Variants in GALNT11 observed in about 807,000 individuals in gnomAD.
GALNT11 encodes the protein UDP-GalNAc:polypeptide N-acetylgalactosaminyltransferase 11.
GALNT11 carries 47 observed loss-of-function variants against 72.7 expected under a neutral mutation model. The ratio of observed to expected loss-of-function variants is 0.65; its 90% CI spans 0.51 to 0.82. The LOEUF is 0.82. GALNT11 is among the 40% of genes least tolerant of loss of function. The pLI, the probability that GALNT11 is intolerant of heterozygous loss-of-function variation, is 0.00. For synonymous variants in GALNT11, 270 were observed against 286.6 expected (o/e 0.94, Z 0.58); for missense variants, 677 against 778.4 (o/e 0.87, Z 1.55).
intron 6 of GALNT11, 105 bp from the exon 7 acceptor site, chr7:152,110,423 A>G (rs778348258): frequency 7.3e-6 from 6 of 825,810 alleles, no homozygotes; most frequent in Admixed American, 2.3e-5. Context: ...CATTAATTCA[A>G]TTTTTATTAG....
intron 1 of GALNT11, among the ~76,000 whole-genome samples, chr7:152,028,497 A>G (rs1416116032): frequency 6.6e-6 from 1 of 152,102 alleles, no homozygotes; most frequent in Non-Finnish European, 1.5e-5. Context: ...ACAATCCTTT[A>G]GCTAGACTGA....
intron 11 of GALNT11, 44 bp downstream of exon 11, chr7:152,121,012 CA>C: frequency 6.3e-7 from 1 of 1,594,332 alleles, no homozygotes. Context: ...CAGAGGCCCA[CA>C]AGGTTGAGTG....
chr7:152,036,960 G>T (rs994813189), intron 1 of GALNT11, among the ~76,000 whole-genome samples: 1 of 152,094 alleles, frequency 6.6e-6, no homozygotes, highest in Non-Finnish European at 1.5e-5. Flanking sequence ...AGCATTGTTT[G>T]AGTTTCTTAT....
At chr7:152,084,803 G>A (rs2085541770) in intron 1 of GALNT11, among the ~76,000 whole-genome samples, 1 of 152,154 alleles carries the variant, frequency 6.6e-6, no homozygotes, top group African/African-American at 2.4e-5. Context: ...AATATATGGG[G>A]CTGAAAAGAT....
At chr7:152,102,683 TAGAA>T (rs1346059763) in intron 3 of GALNT11, among the ~76,000 whole-genome samples, 3 of 152,052 alleles carry the variant, frequency 2.0e-5, no homozygotes, top group African/African-American at 7.2e-5. Context: ...ACCATAATGT[TAGAA>T]AGAGGCTGAA....
chr7:152,057,639 C>CG (rs60012347), intron 1 of GALNT11, among the ~76,000 whole-genome samples: 1,757 of 152,220 alleles, frequency 0.012, 36 homozygotes, highest in African/African-American at 0.041. Flanking sequence ...GCAAAATAAT[C>CG]TATGTCCTGA....
intron 1 of GALNT11, among the ~76,000 whole-genome samples, chr7:152,067,826 G>T (rs2084395144): frequency 6.6e-6 from 1 of 152,108 alleles, no homozygotes; most frequent in Non-Finnish European, 1.5e-5. Flanking sequence ...TCAGGGTTCT[G>T]CAGGCTTTAC....
intron 3 of GALNT11, among the ~76,000 whole-genome samples, chr7:152,102,707 C>T (rs955652266): frequency 9.2e-5 from 14 of 152,068 alleles, no homozygotes; most frequent in Non-Finnish European, 1.5e-4. Flanking sequence ...ACAGGCTGGA[C>T]GTGGTGGTTC....
At chr7:152,028,312 C>T (rs752199695) in intron 1 of GALNT11, among the ~76,000 whole-genome samples, 6 of 152,142 alleles carry the variant, frequency 3.9e-5, no homozygotes, top group Non-Finnish European at 7.3e-5. Context: ...GCTGATTGGT[C>T]TGTTTTACAG....
chr7:152,041,034 C>T (rs529662929), intron 1 of GALNT11, among the ~76,000 whole-genome samples: 5 of 152,208 alleles, frequency 3.3e-5, no homozygotes, highest in Non-Finnish European at 4.4e-5. Flanking sequence ...GGGTGTTGCT[C>T]GTGACAGTTG....
At chr7:152,030,099 G>A (rs1200490401) in intron 1 of GALNT11, among the ~76,000 whole-genome samples, 2 of 152,288 alleles carry the variant, frequency 1.3e-5, no homozygotes, top group African/African-American at 2.4e-5. Context: ...GTGCGGAGAC[G>A]AGAGAGTGTA....
At chr7:152,105,191 G>A in intron 4 of GALNT11, 54 bp from the exon 5 acceptor site, 1 of 1,554,836 alleles carries the variant, frequency 6.4e-7, no homozygotes, top group Non-Finnish European at 8.7e-7. Context: ...TAGCTGTAAA[G>A]TGTCTTTATA....
At chr7:152,071,264 A>G (rs1023238786) in intron 1 of GALNT11, among the ~76,000 whole-genome samples, 3 of 151,610 alleles carry the variant, frequency 2.0e-5, no homozygotes, top group African/African-American at 7.3e-5. Context: ...TGTATTCTCA[A>G]CCATAAGAGA....
chr7:152,033,407 G>C (rs1180649961), intron 1 of GALNT11, among the ~76,000 whole-genome samples: 1 of 152,102 alleles, frequency 6.6e-6, no homozygotes, highest in South Asian at 2.1e-4. Context: ...TTTTGGGCCT[G>C]TTCCTCTTGG....
intron 1 of GALNT11, among the ~76,000 whole-genome samples, chr7:152,063,641 C>T (rs1389091171): frequency 6.6e-6 from 1 of 152,184 alleles, no homozygotes; most frequent in Non-Finnish European, 1.5e-5. Flanking sequence ...AAATGTGTCC[C>T]AGAGATTCTG....
Position 152,122,179 on chromosome 7 carries a change from T to TATTA in GALNT11, c.*503_*506dup, listed in dbSNP as rs2089471925. ...GTGCTTTAAAAAAAAAAAAAACTTC[T>TATTA]ATTATTTGTTTAGTATGTTGTAAGT... On this transcript the variant is annotated 3_prime_UTR_variant, in exon 12 of 12. Coordinates refer to ENST00000430044, the MANE Select transcript of GALNT11 (RefSeq NM_022087.4). 1 of 152,376 alleles carries TATTA rather than the reference T, an allele frequency of 6.6e-6. No individual in the cohort carries two copies. The highest frequency in any genetic ancestry group is 1.9e-4 in the East Asian group (1 of 5,180). The allele number at this position is 152,376 out of a possible 1,614,324, so 9.4% of individuals were successfully genotyped here. A position where few individuals can be genotyped will look rare whatever the true frequency, so the allele number is the denominator to read the frequency against.
intron 2 of GALNT11, among the ~76,000 whole-genome samples, chr7:152,099,160 T>C (rs1004527522): frequency 1.3e-5 from 2 of 152,084 alleles, no homozygotes; most frequent in African/African-American, 4.8e-5. Context: ...CAGGCTGGCG[T>C]TGAACTGCTG....
At chr7:152,101,171 CTAAT>C (rs781247681) in intron 3 of GALNT11, among the ~76,000 whole-genome samples, 35 of 152,294 alleles carry the variant, frequency 2.3e-4, no homozygotes, top group Admixed American at 1.8e-3. Context: ...GAGTAGGGTG[CTAAT>C]TAAATAACCT....
intron 8 of GALNT11, 74 bp downstream of exon 8, chr7:152,113,472 C>G: frequency 6.5e-7 from 1 of 1,527,698 alleles, no homozygotes; most frequent in Non-Finnish European, 8.9e-7. Flanking sequence ...GCTTTAGTTG[C>G]TTACTTTTCA....
Sources: allele counts gnomAD v4.1 joint callset (sites outside exome capture counted in the v4.1 genomes callset), GRCh38; gene constraint gnomAD v4.1.1; transcripts MANE v1.5; gene names NCBI Gene and HGNC (gene_info 2026-07-23, HGNC 2026-07-21).